Variants in PLEKHA2 observed in about 807,000 individuals in gnomAD.
The protein encoded by PLEKHA2 is pleckstrin homology domain containing A2, also known as pleckstrin homology domain-containing family A member 2.
Under a neutral mutation model 53.2 loss-of-function variants are expected in PLEKHA2, and 28 were observed. That is an observed-to-expected ratio of 0.53 (90% CI 0.39 to 0.72). The LOEUF is 0.72. Among genes scored for constraint, PLEKHA2 ranks in the 30% least tolerant of loss-of-function variants. The pLI is 0.00. For synonymous variants in PLEKHA2, 193 were observed against 196.4 expected, an observed-to-expected ratio of 0.98 and a Z score of 0.14; for missense variants, 426 against 537.9, an observed-to-expected ratio of 0.79 and a Z score of 2.06.
intron 2 of PLEKHA2, among the ~76,000 whole-genome samples, chr8:38,920,262 T>C (rs997671531): frequency 5.3e-5 from 8 of 152,030 alleles, no homozygotes; most frequent in African/African-American, 1.9e-4. Flanking sequence ...GCCATTCTCC[T>C]GCCTCAGCCT....
intron 1 of PLEKHA2, among the ~76,000 whole-genome samples, chr8:38,911,760 G>T (rs558700875): frequency 6.6e-6 from 1 of 152,222 alleles, no homozygotes; most frequent in South Asian, 2.1e-4. Context: ...AGGATTGCCT[G>T]GGTCTAAGAG....
chr8:38,966,523 G>T (rs1835139014), intron 10 of PLEKHA2, among the ~76,000 whole-genome samples: 1 of 152,158 alleles, frequency 6.6e-6, no homozygotes, highest in South Asian at 2.1e-4. Flanking sequence ...ACCGGGTGGG[G>T]CCCTTAGCCA....
chr8:38,969,639 G>A lies in PLEKHA2; in HGVS notation c.1134G>A (p.Leu378=), dbSNP rs1835206714. 6.2e-7 allele frequency: 1 copy of A among 1,601,684 alleles called. No individual in the cohort carries two copies. Among genetic ancestry groups the A allele is most frequent in the Non-Finnish European group, 8.5e-7 (1 of 1,174,336 alleles). ...CTGGAGACACTTCAGAGGACTCCTT[G>A]TTCACGCCTCGTCCTGGGGAGGGCA... ...LPPGDTSEDS[L]FTPRPGEGSA... Residue 378 remains leucine (L), a synonymous_variant, in exon 12 of 12, where the codon TTG becomes TTA. Transcript: ENST00000617275.
At position 38,952,193 on chromosome 8, in the gene PLEKHA2, G is replaced by A. The variant is rs1360899502; in HGVS notation, c.514G>A (p.Glu172Lys). 1 of 1,613,240 alleles carries A rather than the reference G, an allele frequency of 6.2e-7. No homozygotes were observed. The highest frequency in any genetic ancestry group is 1.1e-5 in the South Asian group (1 of 90,812). ...QNGGDGQEGS[E>K]PGSHTILRRS... ...CGGTGGGGATGGGCAGGAAGGGAGT[G>A]AGCCCGGGTCCCACACCATCCTTCG... The change falls in exon 7 of 12, where the codon GAG (glutamate) becomes AAG (lysine). Residue 172 changes from glutamate (E) to lysine (K), a missense_variant. Transcript: ENST00000617275.
intron 10 of PLEKHA2, among the ~76,000 whole-genome samples, chr8:38,959,291 A>C (rs985781613): frequency 1.3e-5 from 2 of 152,150 alleles, no homozygotes; most frequent in Non-Finnish European, 2.9e-5. Flanking sequence ...GGCCCAGGCA[A>C]AGGAAATAGG....
intron 5 of PLEKHA2, among the ~76,000 whole-genome samples, chr8:38,948,535 G>A (rs1003830534): frequency 5.9e-5 from 9 of 152,186 alleles, no homozygotes; most frequent in Admixed American, 1.3e-4. Flanking sequence ...GAGGGGTAGG[G>A]AGGGGGCAGA....
chr8:38,951,849 C>A (rs537544227), intron 6 of PLEKHA2, among the ~76,000 whole-genome samples: 1 of 151,970 alleles, frequency 6.6e-6, no homozygotes, highest in African/African-American at 2.4e-5. Flanking sequence ...TGGGACTACA[C>A]GCCTGGGTAA....
chr8:38,920,368 A>G (rs911387605), intron 2 of PLEKHA2, among the ~76,000 whole-genome samples: 1 of 151,754 alleles, frequency 6.6e-6, no homozygotes, highest in East Asian at 1.9e-4. Context: ...GTTAGCCAGG[A>G]TGGTCTCAAG....
At chr8:38,920,653 TG>T (rs1834169393) in intron 2 of PLEKHA2, among the ~76,000 whole-genome samples, 1 of 148,276 alleles carries the variant, frequency 6.7e-6, no homozygotes, top group Admixed American at 6.7e-5. Context: ...CTCAAACTCC[TG>T]GGCTCAAGTG....
intron 2 of PLEKHA2, among the ~76,000 whole-genome samples, chr8:38,933,611 C>T (rs1834433531): frequency 6.6e-6 from 1 of 151,656 alleles, no homozygotes; most frequent in Admixed American, 6.6e-5. Context: ...CCGTTGGTCT[C>T]CCTCTGTAAG....
At chr8:38,912,803 C>T (rs903071201) in intron 1 of PLEKHA2, among the ~76,000 whole-genome samples, 9 of 152,154 alleles carry the variant, frequency 5.9e-5, no homozygotes, top group Non-Finnish European at 1.5e-5. Context: ...GTTAGAGCCA[C>T]ATTTCTGTGT....
At position 38,973,813 on chromosome 8, in the gene PLEKHA2, C is replaced by A; in HGVS notation, c.*4030C>A. 4.8e-6 allele frequency: 1 copy of A among 208,346 alleles called. No homozygotes were observed. Among genetic ancestry groups the A allele is most frequent in the South Asian group, 7.0e-5 (1 of 14,240 alleles). 12.9% of individuals were successfully genotyped at this position (208,346 alleles called of 1,614,324 possible). A position where few individuals can be genotyped will look rare whatever the true frequency, so the allele number is the denominator to read the frequency against. On this transcript the variant is annotated 3_prime_UTR_variant, in exon 12 of 12. Coordinates refer to ENST00000617275, the MANE Select transcript of PLEKHA2 (RefSeq NM_021623.2). ...TAGGCTGAGTGCATGGAAACTGTTA[C>A]GCTTCTCATTTTATGTGATCTCCTA...
At chr8:38,955,728 T>C (rs770540532) in intron 9 of PLEKHA2, among the ~76,000 whole-genome samples, 2 of 152,232 alleles carry the variant, frequency 1.3e-5, no homozygotes, top group Non-Finnish European at 2.9e-5. Flanking sequence ...TTCTCATTCA[T>C]AAAGCCAACC....
intron 10 of PLEKHA2, among the ~76,000 whole-genome samples, chr8:38,958,981 T>C (rs4733958): frequency 0.72 from 108,667 of 151,948 alleles, 39,098 homozygotes; most frequent in East Asian, 0.84. Context: ...TGATGGTGGG[T>C]GTGTGATGAA....
At chr8:38,966,632 T>C (rs1474101905) in intron 10 of PLEKHA2, among the ~76,000 whole-genome samples, 1 of 152,178 alleles carries the variant, frequency 6.6e-6, no homozygotes, top group African/African-American at 2.4e-5. Context: ...CCTCCCTTTT[T>C]TCATAGAGCC....
intron 6 of PLEKHA2, 21 bp downstream of exon 6, chr8:38,951,011 T>C (rs1175933284): frequency 1.4e-6 from 2 of 1,413,514 alleles, no homozygotes; most frequent in South Asian, 2.3e-5. Context: ...TGACTGGGGC[T>C]GCGGGGGGAG....
intron 5 of PLEKHA2, among the ~76,000 whole-genome samples, chr8:38,947,155 G>A (rs1406076851): frequency 1.6e-5 from 2 of 122,810 alleles, no homozygotes; most frequent in South Asian, 2.7e-4. Flanking sequence ...TGGTAAACCC[G>A]TGAAAAGAGA....
At chr8:38,902,371 T>G (rs1564094665) in intron 1 of PLEKHA2, among the ~76,000 whole-genome samples, 1 of 152,144 alleles carries the variant, frequency 6.6e-6, no homozygotes, top group Non-Finnish European at 1.5e-5. Flanking sequence ...AGGGTTTGGC[T>G]TCCTTCCTTC....
At chr8:38,926,276 G>A (rs1834286589) in intron 2 of PLEKHA2, among the ~76,000 whole-genome samples, 3 of 151,452 alleles carry the variant, frequency 2.0e-5, no homozygotes, top group African/African-American at 7.3e-5. Flanking sequence ...TAAGAACGCA[G>A]AATCCTTTGG....
Sources: allele counts gnomAD v4.1 joint callset (sites outside exome capture counted in the v4.1 genomes callset), GRCh38; gene constraint gnomAD v4.1.1; transcripts MANE v1.5; gene names NCBI Gene and HGNC (gene_info 2026-07-23, HGNC 2026-07-21).